METTL16: variants seen among roughly 807,000 people sequenced by gnomAD.
METTL16 encodes the protein RNA N(6)-adenosine-methyltransferase METTL16.
METTL16 carries 19 observed loss-of-function variants against 57.9 expected under a neutral mutation model. The observed-to-expected ratio is 0.33, with a 90% confidence interval of 0.23 to 0.48. The LOEUF (loss-of-function observed/expected upper bound fraction) is 0.48. METTL16 is among the 20% of genes least tolerant of loss of function. The probability of loss-of-function intolerance (pLI) is 0.99; values close to 1 mark genes in which losing one functional copy is unlikely to be tolerated. For missense variants in METTL16, 434 were observed against 691.5 expected (o/e 0.63, Z 4.18); for synonymous variants, 246 against 255.6 (o/e 0.96, Z 0.36).
At position 2,478,950 on chromosome 17, in the gene METTL16, T is replaced by C. The variant is rs145376025; in HGVS notation, c.129-1065A>G. Among the ~76,000 whole-genome samples, 16 of 152,346 alleles carry C rather than the reference T, an allele frequency of 1.1e-4. No homozygotes were observed. The East Asian group carries it at 2.1e-3, about 20-fold the overall frequency. On this transcript the variant is annotated intron_variant, in intron 2 of 9. Transcript: ENST00000263092. Reference sequence around the variant, plus strand: ...CACGAACAATGCTGCTATGAACATTTACATACAAGTCTTTGTGTGGACATA... The same window carrying C: ...CACGAACAATGCTGCTATGAACATTCACATACAAGTCTTTGTGTGGACATA...
chr17:2,427,497 T>C (rs2066828170), intron 8 of METTL16, among the ~76,000 whole-genome samples: 1 of 152,194 alleles, frequency 6.6e-6, no homozygotes, highest in Admixed American at 6.5e-5. Context: ...AAAGTAGCTA[T>C]TTTCAGAAAT....
chr17:2,467,718 G>A (rs376726714), intron 5 of METTL16, 43 bp downstream of exon 5: 571 of 1,499,080 alleles, frequency 3.8e-4, no homozygotes, highest in Middle Eastern at 6.8e-4. Flanking sequence ...GAGCCACCGC[G>A]CCCAGCCTAT....
At chr17:2,438,440 A>G (rs2066923762) in intron 7 of METTL16, among the ~76,000 whole-genome samples, 1 of 152,232 alleles carries the variant, frequency 6.6e-6, no homozygotes, top group African/African-American at 2.4e-5. Flanking sequence ...AGGTTCAAAT[A>G]TATGAAACAC....
At chr17:2,426,981 G>A (rs1348962844) in intron 8 of METTL16, among the ~76,000 whole-genome samples, 5 of 141,972 alleles carry the variant, frequency 3.5e-5, no homozygotes, top group Non-Finnish European at 3.1e-5. Flanking sequence ...CTAAAAATAC[G>A]AAAAAAAAAA....
rs1033483920 is a variant in METTL16, at chr17:2,502,350, G to T, written c.1-19C>A. On this transcript the variant is annotated intron_variant, in intron 1 of 9. Transcript: ENST00000263092. Reference sequence around the variant, plus strand: ...GAGCCATCTTAAGGAGAGAAAGAGAGAAAGAAAATCAGCATATTTATTAAA... The same window carrying T: ...GAGCCATCTTAAGGAGAGAAAGAGATAAAGAAAATCAGCATATTTATTAAA... 1.2e-6 allele frequency: 2 copies of T among 1,608,542 alleles called. No homozygotes were observed.
rs191991143 is a variant in METTL16 at position 2,453,775 on chromosome 17, C to G, written c.728+10433G>C. On this transcript the variant is annotated intron_variant, in intron 6 of 9. Coordinates refer to ENST00000263092, the MANE Select transcript of METTL16 (RefSeq NM_024086.4). ...TCTAAAATCACCAATTAGGTTAAAA[C>G]TGTATGAAACTGACATTTTTATACA... is the stretch of plus-strand genomic sequence containing the variant. Among the ~76,000 whole-genome samples the G allele has an allele frequency of 3.9e-4, 60 of 152,290 alleles. No homozygotes were observed. In the East Asian group the frequency reaches 8.5e-3, roughly 22 times the overall value.
rs533874153 is a variant in METTL16 at position 2,467,498 on chromosome 17, C to G, written c.585+263G>C. ...TGGAGTGCAATGGCGCAATCTTGGCCCACTGCAACCTCTGCCTCCCGGGTT... is the reference window on the plus strand; with the variant it reads ...TGGAGTGCAATGGCGCAATCTTGGCGCACTGCAACCTCTGCCTCCCGGGTT... On this transcript the variant is annotated intron_variant, in intron 5 of 9. Coordinates refer to ENST00000263092, the MANE Select transcript of METTL16 (RefSeq NM_024086.4). 6.6e-5 allele frequency among the ~76,000 whole-genome samples: 10 copies of G among 152,066 alleles called. No homozygotes were observed. The South Asian group carries it at 1.7e-3, about 25-fold the overall frequency.
At chr17:2,488,751 CACA>C (rs984520057) in intron 2 of METTL16, among the ~76,000 whole-genome samples, 33 of 152,138 alleles carry the variant, frequency 2.2e-4, no homozygotes, top group African/African-American at 7.0e-4. Context: ...TAGAAATCTG[CACA>C]ACAACAAGCA....
rs935733326 is a variant in METTL16, at chr17:2,498,000, G to C, written c.128+4204C>G. ...ACGAGGTCAGGAGATCGAGACCATC[G>C]TGGCTAACACGGTGAAACCCCATCT... On this transcript the variant is annotated intron_variant, in intron 2 of 9. Transcript: ENST00000263092. Among the ~76,000 whole-genome samples the C allele has an allele frequency of 5.0e-4, 75 of 151,512 alleles. 6 individuals are homozygous for C. The highest frequency in any genetic ancestry group is 1.6e-3 in the African/African-American group (65 of 40,978).
chr17:2,428,032 G>A (rs770723031), intron 8 of METTL16, among the ~76,000 whole-genome samples: 12 of 150,842 alleles, frequency 8.0e-5, no homozygotes, highest in Non-Finnish European at 1.8e-4. Context: ...GAAGGAGAGG[G>A]ATGGGAAAGG....
intron 2 of METTL16, among the ~76,000 whole-genome samples, chr17:2,492,897 C>CAAAAAAAAAAAA (rs56853674): frequency 2.6e-5 from 2 of 75,912 alleles, no homozygotes; most frequent in African/African-American, 5.2e-5. Context: ...GACTCCGTCT[C>CAAAAAAAAAAAA]AAAAAAAAAA....
chr17:2,447,349 G>A (rs1199679480), intron 6 of METTL16, among the ~76,000 whole-genome samples: 4 of 132,406 alleles, frequency 3.0e-5, no homozygotes, highest in African/African-American at 7.1e-5. Flanking sequence ...CCTGGCAACC[G>A]CCCCGTCTGA....
intron 7 of METTL16, among the ~76,000 whole-genome samples, chr17:2,440,745 A>G (rs984462788): frequency 1.3e-5 from 2 of 151,964 alleles, no homozygotes; most frequent in Non-Finnish European, 2.9e-5. Context: ...CTGAGGTGAG[A>G]GGACTGCTTG....
chr17:2,424,200 G>A (rs946814535), intron 8 of METTL16: 6 of 149,052 alleles, frequency 4.0e-5, no homozygotes, highest in East Asian at 2.0e-4. Flanking sequence ...TGCAAGCTCC[G>A]CCTCCCGGGT....
In METTL16 at chr17:2,430,478, G is replaced by C. The variant is rs7224953; in HGVS notation, c.888+7631C>G. 7.2e-3 allele frequency among the ~76,000 whole-genome samples: 1,040 copies of C among 144,650 alleles called. 5 individuals are homozygous for C. The highest frequency in any genetic ancestry group is 0.01 in the Non-Finnish European group (659 of 65,888). The allele number at this position is 144,650 out of a possible 152,430, so 94.9% of individuals were successfully genotyped here. ...TCGCCCAGGCTGGAGTGCAGTGGCG[G>C]GATCTCGGCTCACTGCAAGCTCCGC... On this transcript the variant is annotated intron_variant, in intron 8 of 9. Transcript: ENST00000263092.
chr17:2,476,531 C>T (rs566061310), intron 3 of METTL16, among the ~76,000 whole-genome samples: 51 of 151,846 alleles, frequency 3.4e-4, no homozygotes, highest in African/African-American at 1.2e-3. Flanking sequence ...GGAGAGTGAA[C>T]AAAAGAGAAA....
Position 2,419,729 on chromosome 17 carries a change from G to T in METTL16, c.*241C>A, listed in dbSNP as rs762375747. 1.9e-5 allele frequency: 13 copies of T among 675,828 alleles called. No individual in the cohort carries two copies. Among genetic ancestry groups the T allele is most frequent in the Non-Finnish European group, 3.5e-5 (13 of 369,842 alleles). The allele number at this position is 675,828 out of a possible 1,614,324, so 41.9% of individuals were successfully genotyped here. On this transcript the variant is annotated 3_prime_UTR_variant, in exon 10 of 10. Transcript: ENST00000263092. ...TGCAATCCCTCGGGAGTTTACTGAG[G>T]GCTTTCTGTTGTTACTGATGACCAC...
intron 4 of METTL16, among the ~76,000 whole-genome samples, chr17:2,473,025 A>G (rs560643227): frequency 6.6e-6 from 1 of 152,288 alleles, no homozygotes; most frequent in South Asian, 2.1e-4. Flanking sequence ...GCATAGGTTC[A>G]TCACCTGTAA....
Position 2,477,743 on chromosome 17 carries a change from C to T in METTL16, c.271G>A (p.Asp91Asn). ...TCAGAATCCTGGTGACCGATCAGAT[C>T]TTCTACCCAGTGAATATAGTTGAGT... ...LRLNYIHWVE[D>N]LIGHQDSDKS... Residue 91 changes from aspartate (D) to asparagine (N), a missense_variant, in exon 3 of 10, where the codon GAT (aspartate) becomes AAT (asparagine). Coordinates refer to ENST00000263092, the MANE Select transcript of METTL16 (RefSeq NM_024086.4). 1.9e-6 allele frequency: 3 copies of T among 1,614,024 alleles called. No homozygotes were observed. The highest frequency in any genetic ancestry group is 2.5e-6 in the Non-Finnish European group (3 of 1,179,892).
Sources: gnomAD v4.1 joint callset for allele counts (sites outside exome capture counted in the v4.1 genomes callset) on GRCh38, gnomAD v4.1.1 for gene constraint, MANE v1.5 for transcripts, NCBI Gene and HGNC (gene_info 2026-07-23, HGNC 2026-07-21) for gene names.